Variants in ECT2 observed in about 807,000 individuals in gnomAD.
ECT2 encodes the protein protein ECT2.
In ECT2, 61 loss-of-function variants were observed where a neutral mutation model predicts 116.9. The ratio of observed to expected loss-of-function variants is 0.52; its 90% confidence interval spans 0.42 to 0.65. The LOEUF (loss-of-function observed/expected upper bound fraction) is 0.65, where lower values mean the gene tolerates loss of function less well. Ranked by LOEUF, ECT2 falls within the 30% of genes least tolerant of loss-of-function variation. The pLI is 0.00. For synonymous variants in ECT2, 358 were observed against 346.4 expected (o/e 1.03, Z -0.37); for missense variants, 937 against 1,078.7 (o/e 0.87, Z 1.84).
chr3:172,799,457 A>G (rs1031835036), intron 18 of ECT2, among the ~76,000 whole-genome samples: 1 of 152,122 alleles, frequency 6.6e-6, no homozygotes, highest in Admixed American at 6.6e-5. Context: ...CTTGATGCCT[A>G]TCTTTTTGGC....
At chr3:172,808,628 G>C (rs995341512) in intron 22 of ECT2, among the ~76,000 whole-genome samples, 1 of 152,170 alleles carries the variant, frequency 6.6e-6, no homozygotes, top group African/African-American at 2.4e-5. Context: ...ATATGAGAGA[G>C]ACACATGTGA....
chr3:172,793,571 C>A (rs1487029572), intron 18 of ECT2, among the ~76,000 whole-genome samples: 1 of 152,160 alleles, frequency 6.6e-6, no homozygotes, highest in Non-Finnish European at 1.5e-5. Flanking sequence ...TCAAGCAATT[C>A]TCCCGCCTCA....
chr3:172,828,368 G>T, the ECT2 span, among the ~76,000 whole-genome samples: 1 of 152,106 alleles, frequency 6.6e-6, no homozygotes, highest in Non-Finnish European at 1.5e-5. Context: ...GTCTGTGTGT[G>T]TGCATAAAAC....
intron 18 of ECT2, among the ~76,000 whole-genome samples, chr3:172,799,763 A>G: frequency 6.6e-6 from 1 of 152,214 alleles, no homozygotes; most frequent in East Asian, 1.9e-4. Context: ...AAACGATTGT[A>G]CACACTAAAT....
chr3:172,759,954 A>G (rs1011545590), intron 6 of ECT2, among the ~76,000 whole-genome samples: 2 of 152,112 alleles, frequency 1.3e-5, no homozygotes, highest in African/African-American at 4.8e-5. Context: ...TACTAATCCC[A>G]CCTCTATAAT....
intron 23 of ECT2, 81 bp from the exon 24 acceptor site, chr3:172,816,610 A>G: frequency 7.9e-7 from 1 of 1,273,632 alleles, no homozygotes; most frequent in Non-Finnish European, 1.1e-6. Flanking sequence ...TTTGCCATAT[A>G]TTTGGCTTTT....
Position 172,815,990 on chromosome 3 carries a change from G to A in ECT2, c.2508+279G>A, listed in dbSNP as rs1054466930. 5.3e-5 allele frequency among the ~76,000 whole-genome samples: 8 copies of A among 152,200 alleles called. 1 individual carries two copies. Among genetic ancestry groups the A allele is most frequent in the Non-Finnish European group, 1.2e-4 (8 of 68,006 alleles). ...TGGTGTTTTAGATTTAAATATGTGT[G>A]CACTCATCTTAAATATATCGCCACA... is the stretch of plus-strand genomic sequence containing the variant. On this transcript the variant is annotated intron_variant, in intron 23 of 24. Transcript: ENST00000392692.
chr3:172,793,384 C>T (rs1377568905), intron 18 of ECT2, among the ~76,000 whole-genome samples: 2 of 152,006 alleles, frequency 1.3e-5, no homozygotes, highest in Non-Finnish European at 2.9e-5. Flanking sequence ...AAGTTGGCCT[C>T]GATCTCCTGA....
intron 21 of ECT2, among the ~76,000 whole-genome samples, chr3:172,806,815 G>T (rs1296766824): frequency 1.3e-5 from 2 of 151,458 alleles, no homozygotes; most frequent in African/African-American, 4.8e-5. Context: ...TAATTTTTTT[G>T]TATTTTTAGT....
chr3:172,807,787 G>A lies in ECT2; in HGVS notation c.2263G>A (p.Ala755Thr). Reference protein sequence around the residue: ...RETEDCHNAFALLVRPPTEQA... With the variant: ...RETEDCHNAFTLLVRPPTEQA... ...AACCCTAGATTGCCATAATGCTTTTGCCTTGCTTGTGAGGCCACCAACAGA... is the reference window on the plus strand; with the variant it reads ...AACCCTAGATTGCCATAATGCTTTTACCTTGCTTGTGAGGCCACCAACAGA... Residue 755 changes from alanine to threonine, a missense_variant, in exon 22 of 25, where the codon GCC becomes ACC. Transcript: ENST00000392692. 6.2e-7 allele frequency: 1 copy of A among 1,612,846 alleles called. No homozygotes were observed. Among genetic ancestry groups the A allele is most frequent in the Non-Finnish European group, 8.5e-7 (1 of 1,179,332 alleles).
At chr3:172,754,444 C>A in intron 1 of ECT2, 65 bp from the exon 2 acceptor site, 3 of 1,192,612 alleles carry the variant, frequency 2.5e-6, no homozygotes, top group East Asian at 2.8e-5. Flanking sequence ...TAAAAAGAGC[C>A]TCTAATACTT....
intron 5 of ECT2, among the ~76,000 whole-genome samples, chr3:172,758,189 T>C (rs1162998095): frequency 6.6e-6 from 1 of 152,174 alleles, no homozygotes; most frequent in East Asian, 1.9e-4. Context: ...CATTTCAATA[T>C]GAGTCGTATG....
chr3:172,823,095 G>A (rs186236557), downstream of ECT2, among the ~76,000 whole-genome samples: 17 of 152,058 alleles, frequency 1.1e-4, no homozygotes, highest in South Asian at 1.2e-3. Context: ...AATGGAGAGC[G>A]CTAACATGTT....
intron 14 of ECT2, among the ~76,000 whole-genome samples, chr3:172,776,340 G>A (rs748100534): frequency 1.3e-5 from 2 of 151,192 alleles, no homozygotes; most frequent in African/African-American, 2.4e-5. Flanking sequence ...CTTTTCTACC[G>A]TGAAACCAGT....
downstream of ECT2, among the ~76,000 whole-genome samples, chr3:172,825,932 T>A (rs1164746786): frequency 6.6e-6 from 1 of 152,236 alleles, no homozygotes; most frequent in African/African-American, 2.4e-5. Context: ...TTTCACTCAT[T>A]GCCCAAGCTG....
At chr3:172,770,841 C>T (rs1252046312) in intron 13 of ECT2, among the ~76,000 whole-genome samples, 1 of 151,228 alleles carries the variant, frequency 6.6e-6, no homozygotes, top group Admixed American at 6.6e-5. Flanking sequence ...TTTTAAAGAA[C>T]TTTATACTAG....
At chr3:172,769,426 T>C (rs1720194092) in intron 13 of ECT2, among the ~76,000 whole-genome samples, 2 of 152,148 alleles carry the variant, frequency 1.3e-5, no homozygotes, top group Admixed American at 1.3e-4. Flanking sequence ...ATTTTGCAGG[T>C]TCCTTGTCAA....
intron 7 of ECT2, among the ~76,000 whole-genome samples, chr3:172,761,122 G>A (rs1718204593): frequency 6.6e-6 from 1 of 152,110 alleles, no homozygotes; most frequent in South Asian, 2.1e-4. Flanking sequence ...CACTAGGATT[G>A]AATCTTAGTT....
downstream of ECT2, among the ~76,000 whole-genome samples, chr3:172,822,970 A>T (rs1456525185): frequency 6.6e-6 from 1 of 152,084 alleles, no homozygotes; most frequent in East Asian, 1.9e-4. Flanking sequence ...AAGAGTTGAG[A>T]GTTTTCTAAA....
Sources: gnomAD v4.1 joint callset for allele counts (sites outside exome capture counted in the v4.1 genomes callset) on GRCh38, gnomAD v4.1.1 for gene constraint, MANE v1.5 for transcripts, NCBI Gene and HGNC (gene_info 2026-07-23, HGNC 2026-07-21) for gene names.